The following ARID3B variants were observed in gnomAD, a reference collection of about 807,000 sequenced individuals.
The protein encoded by ARID3B is AT-rich interaction domain 3B.
Under a neutral mutation model 51.9 loss-of-function variants are expected in ARID3B, and 10 were observed. The observed-to-expected ratio is 0.19, with a 90% CI of 0.12 to 0.33. The LOEUF (loss-of-function observed/expected upper bound fraction) is 0.33, where lower values mean the gene tolerates loss of function less well. Among genes scored for constraint, ARID3B ranks in the 10% least tolerant of loss-of-function variants. The pLI, the probability that ARID3B is intolerant of heterozygous loss-of-function variation, is 1.00. For missense variants in ARID3B, 483 were observed against 716.3 expected (o/e 0.67, Z 3.72); for synonymous variants, 205 against 279.5 (o/e 0.73, Z 2.66).
Position 74,597,542 on chromosome 15 carries a change from C to G in ARID3B, c.*1768C>G, listed in dbSNP as rs1327712865. The G allele has an allele frequency of 3.7e-6, 2 of 535,792 alleles. No homozygotes were observed. The highest frequency in any genetic ancestry group is 7.2e-6 in the Non-Finnish European group (2 of 276,810). 33.2% of individuals were successfully genotyped at this position (535,792 alleles called of 1,614,324 possible). A position where few individuals can be genotyped will look rare whatever the true frequency, so the allele number is the denominator to read the frequency against. ...ACACACACACACATACCCCATCTCC[C>G]GAGGGCTGACCTCCTCTGGCCTCAG... On this transcript the variant is annotated 3_prime_UTR_variant, in exon 9 of 9. Coordinates refer to ENST00000346246, the MANE Select transcript of ARID3B (RefSeq NM_006465.4).
At chr15:74,579,733 G>A (rs1428944101) in intron 4 of ARID3B, among the ~76,000 whole-genome samples, 2 of 151,614 alleles carry the variant, frequency 1.3e-5, no homozygotes, top group Non-Finnish European at 2.9e-5. Context: ...AGTTGCCCTC[G>A]ATTGTCCCCC....
intron 2 of ARID3B, among the ~76,000 whole-genome samples, chr15:74,550,567 G>A (rs375029484): frequency 6.6e-6 from 1 of 151,802 alleles, no homozygotes; most frequent in African/African-American, 2.4e-5. Context: ...TTAGCTGGGC[G>A]TGGTGGCAGG....
intron 1 of ARID3B, 78 bp from the exon 2 acceptor site, chr15:74,543,782 A>G (rs1423156413): frequency 1.7e-5 from 17 of 976,810 alleles, no homozygotes; most frequent in Non-Finnish European, 2.2e-5. Context: ...TCTACTGGAG[A>G]AAAGGAAACC....
chr15:74,541,686 T>C (rs529800618), intron 1 of ARID3B, among the ~76,000 whole-genome samples: 1 of 33,374 alleles, frequency 3.0e-5, no homozygotes, highest in South Asian at 1.1e-3. Flanking sequence ...GAATAAAGAA[T>C]GGGGGGAGGC....
At chr15:74,549,085 C>CT (rs200645100) in intron 2 of ARID3B, among the ~76,000 whole-genome samples, 116 of 149,238 alleles carry the variant, frequency 7.8e-4, no homozygotes, top group East Asian at 3.5e-3. Flanking sequence ...CTTTTTTTTT[C>CT]TTTTTTTTTA....
chr15:74,585,510 C>G (rs930239046), intron 4 of ARID3B, among the ~76,000 whole-genome samples: 3 of 152,212 alleles, frequency 2.0e-5, no homozygotes, highest in African/African-American at 7.2e-5. Flanking sequence ...TTCCTAAAAC[C>G]ATGTGATTCT....
intron 2 of ARID3B, among the ~76,000 whole-genome samples, chr15:74,544,835 C>T (rs990896679): frequency 4.0e-5 from 6 of 151,870 alleles, no homozygotes; most frequent in East Asian, 3.9e-4. Context: ...GGACTATAGG[C>T]GCGTGCCACT....
chr15:74,545,715 A>G (rs1461307027), intron 2 of ARID3B, among the ~76,000 whole-genome samples: 2 of 152,236 alleles, frequency 1.3e-5, no homozygotes, highest in Non-Finnish European at 2.9e-5. Context: ...GAGAAGTCAT[A>G]TAAGAAAGGT....
At chr15:74,568,684 G>T (rs934046638) in intron 2 of ARID3B, among the ~76,000 whole-genome samples, 1 of 152,122 alleles carries the variant, frequency 6.6e-6, no homozygotes, top group Non-Finnish European at 1.5e-5. Flanking sequence ...CTAGTCTTGG[G>T]TGTGTATTTG....
chr15:74,552,900 A>G (rs1053276801), intron 2 of ARID3B, among the ~76,000 whole-genome samples: 1 of 152,236 alleles, frequency 6.6e-6, no homozygotes, highest in Non-Finnish European at 1.5e-5. Context: ...ACACATCTGT[A>G]TACAGGTTTT....
At chr15:74,586,144 G>T (rs1417284381) in intron 4 of ARID3B, among the ~76,000 whole-genome samples, 1 of 152,236 alleles carries the variant, frequency 6.6e-6, no homozygotes, top group South Asian at 2.1e-4. Flanking sequence ...TCCCAAGTAT[G>T]CCCTGGGTGG....
At chr15:74,556,498 C>T (rs958402379) in intron 2 of ARID3B, among the ~76,000 whole-genome samples, 6 of 152,180 alleles carry the variant, frequency 3.9e-5, no homozygotes, top group African/African-American at 1.2e-4. Context: ...AAAGTGAGCA[C>T]GTGCTGTTAG....
intron 2 of ARID3B, among the ~76,000 whole-genome samples, chr15:74,547,160 C>T (rs1342377703): frequency 1.3e-5 from 2 of 150,412 alleles, no homozygotes; most frequent in Non-Finnish European, 3.0e-5. Flanking sequence ...TTCCCCCCCG[C>T]CTTCCCCCTC....
At chr15:74,561,776 G>A (rs916948160) in intron 2 of ARID3B, among the ~76,000 whole-genome samples, 1 of 152,160 alleles carries the variant, frequency 6.6e-6, no homozygotes, top group African/African-American at 2.4e-5. Flanking sequence ...ACTTAAGATG[G>A]TTCAACTCAA....
chr15:74,544,149 A>C lies in ARID3B; in HGVS notation c.213A>C (p.Arg71Ser). 2 of 1,613,890 alleles carry C rather than the reference A, an allele frequency of 1.2e-6. No homozygotes were observed. Among genetic ancestry groups the C allele is most frequent in the Non-Finnish European group, 1.7e-6 (2 of 1,179,826 alleles). Residue 71 changes from arginine to serine, a missense_variant, in exon 2 of 9, where the codon AGA becomes AGC. This residue lies in a region of ARID3B where 182 missense variants were observed against 244.5 expected (regional missense o/e 0.74). Coordinates refer to ENST00000346246, the MANE Select transcript of ARID3B (RefSeq NM_006465.4). ...GCACTCCCTTAGGTCCCTTAGCCAGAGTTCCACCCACCGCAGCAGTGGCCC... is the reference window on the plus strand; with the variant it reads ...GCACTCCCTTAGGTCCCTTAGCCAGCGTTCCACCCACCGCAGCAGTGGCCC... ...SGSTPLGPLA[R>S]VPPTAAVAQV...
Position 74,590,197 on chromosome 15 carries a change from A to G in ARID3B, c.881+194A>G, listed in dbSNP as rs181978884. Reference sequence around the variant, plus strand: ...GAGAACCACCATTTACCAAGTGTCTACTCTGTGCTGGTACTTTACTATTTC... The same window carrying G: ...GAGAACCACCATTTACCAAGTGTCTGCTCTGTGCTGGTACTTTACTATTTC... On this transcript the variant is annotated intron_variant, in intron 5 of 8. Transcript: ENST00000346246. 1.1e-3 allele frequency among the ~76,000 whole-genome samples: 164 copies of G among 152,226 alleles called. 1 individual carries two copies. Among genetic ancestry groups the G allele is most frequent in the Non-Finnish European group, 1.8e-4 (12 of 68,010 alleles).
rs984733664 is a variant in ARID3B at position 74,573,221 on chromosome 15, T to C, written c.697+17T>C. The C allele has an allele frequency of 1.2e-6, 2 of 1,612,142 alleles. No homozygotes were observed. Among genetic ancestry groups the C allele is most frequent in the African/African-American group, 2.7e-5 (2 of 74,906 alleles). The stretch of plus-strand genomic sequence containing the variant: ...AGAAGAGGGGTGAGTGTGCATCTAC[T>C]CATCATTCCAATTCAGGGAATACTG... On this transcript the variant is annotated intron_variant, in intron 4 of 8. Coordinates refer to ENST00000346246, the MANE Select transcript of ARID3B (RefSeq NM_006465.4).
At chr15:74,544,586 T>G in intron 2 of ARID3B, 98 bp downstream of exon 2, 1 of 1,286,494 alleles carries the variant, frequency 7.8e-7, no homozygotes, top group Non-Finnish European at 1.1e-6. Context: ...CTGTGCCTTC[T>G]CACCCCACTT....
intron 4 of ARID3B, among the ~76,000 whole-genome samples, chr15:74,575,618 G>A (rs977503085): frequency 3.3e-5 from 5 of 152,164 alleles, no homozygotes; most frequent in African/African-American, 9.7e-5. Flanking sequence ...GTGGCAACTG[G>A]GACTGCCAGA....
Sources: gnomAD v4.1 joint callset for allele counts (sites outside exome capture counted in the v4.1 genomes callset) on GRCh38, gnomAD v4.1.1 for gene constraint, gnomAD v4.1.1 regional missense constraint, MANE v1.5 for transcripts, NCBI Gene and HGNC (gene_info 2026-07-23, HGNC 2026-07-21) for gene names.